AFG2A: variants seen among roughly 807,000 people sequenced by gnomAD.
The protein encoded by AFG2A is AAA ATPase AFG2A.
At chr4:123,075,100 T>C in the AFG2A span, among the ~76,000 whole-genome samples, 78 of 151,870 alleles carry the variant, frequency 5.1e-4, no homozygotes, top group Non-Finnish European at 9.9e-4. Flanking sequence ...CATGCCACCA[T>C]GCCCGGCTAA....
the AFG2A span, among the ~76,000 whole-genome samples, chr4:123,094,340 T>C: frequency 7.2e-5 from 11 of 152,196 alleles, no homozygotes; most frequent in African/African-American, 2.7e-4. Context: ...TTTCCCATCA[T>C]GGCTTGAATT....
chr4:123,045,422 A>G, the AFG2A span, among the ~76,000 whole-genome samples: 1 of 152,226 alleles, frequency 6.6e-6, no homozygotes, highest in African/African-American at 2.4e-5. Flanking sequence ...TTCCTTTATG[A>G]CAAAATAAGT....
the AFG2A span, among the ~76,000 whole-genome samples, chr4:123,003,134 G>A: frequency 2.2e-4 from 33 of 152,154 alleles, no homozygotes; most frequent in Middle Eastern, 3.4e-3. Flanking sequence ...CGTAGTTCTC[G>A]AGCCTTGGCT....
At chr4:123,167,854 T>C in the AFG2A span, among the ~76,000 whole-genome samples, 2 of 152,198 alleles carry the variant, frequency 1.3e-5, no homozygotes, top group South Asian at 2.1e-4. Context: ...TATTGTAAGA[T>C]CTTCAGCTGA....
the AFG2A span, among the ~76,000 whole-genome samples, chr4:123,131,063 GT>G: frequency 0.67 from 102,495 of 151,876 alleles, 37,586 homozygotes; most frequent in East Asian, 0.97. Context: ...TGAACATTTT[GT>G]TTTGGTGAAA....
chr4:123,220,772 A>G, the AFG2A span, among the ~76,000 whole-genome samples: 14 of 152,296 alleles, frequency 9.2e-5, no homozygotes, highest in South Asian at 2.5e-3. Flanking sequence ...TCTTCAGCTT[A>G]TAATGGTTAA....
At chr4:123,276,134 C>T in the AFG2A span, among the ~76,000 whole-genome samples, 1 of 152,174 alleles carries the variant, frequency 6.6e-6, no homozygotes, top group Admixed American at 6.5e-5. Context: ...TTCCCTGACA[C>T]CTCACCAGAA....
At chr4:123,033,609 A>C in the AFG2A span, among the ~76,000 whole-genome samples, 1 of 152,222 alleles carries the variant, frequency 6.6e-6, no homozygotes, top group Non-Finnish European at 1.5e-5. Context: ...ATGAAATAGA[A>C]GTGCCTGGAA....
the AFG2A span, among the ~76,000 whole-genome samples, chr4:123,005,106 G>C: frequency 6.6e-6 from 1 of 151,858 alleles, no homozygotes; most frequent in Non-Finnish European, 1.5e-5. Context: ...TCTTTTCCTT[G>C]GCTAGAGGTC....
chr4:123,301,324 T>C, the AFG2A span, among the ~76,000 whole-genome samples: 3 of 152,174 alleles, frequency 2.0e-5, no homozygotes, highest in Admixed American at 2.0e-4. Context: ...ATTGCTTTAT[T>C]ATTTGAAATT....
At chr4:123,256,355 T>A in the AFG2A span, among the ~76,000 whole-genome samples, 2 of 152,228 alleles carry the variant, frequency 1.3e-5, no homozygotes, top group Non-Finnish European at 2.9e-5. Flanking sequence ...ACGTGGCTTC[T>A]ATTATATCAC....
the AFG2A span, among the ~76,000 whole-genome samples, chr4:123,050,422 C>T: frequency 6.6e-6 from 1 of 152,152 alleles, no homozygotes; most frequent in African/African-American, 2.4e-5. Context: ...TATTTTATTG[C>T]AGTCATTGCA....
the AFG2A span, among the ~76,000 whole-genome samples, chr4:123,292,284 T>C: frequency 6.6e-6 from 1 of 152,172 alleles, no homozygotes; most frequent in Non-Finnish European, 1.5e-5. Flanking sequence ...GTTATTGTGA[T>C]TTCTTTATGT....
the AFG2A span, among the ~76,000 whole-genome samples, chr4:123,041,592 C>T: frequency 9.9e-5 from 15 of 151,984 alleles, no homozygotes; most frequent in East Asian, 2.1e-3. Flanking sequence ...AGTGCAATGG[C>T]GTGATCTCGG....
chr4:123,212,892 C>T, the AFG2A span, among the ~76,000 whole-genome samples: 1 of 152,104 alleles, frequency 6.6e-6, no homozygotes, highest in East Asian at 1.9e-4. Context: ...TAAAATACCT[C>T]ACTAGTTTGT....
the AFG2A span, among the ~76,000 whole-genome samples, chr4:122,971,306 C>A: frequency 1.3e-5 from 2 of 152,034 alleles, no homozygotes; most frequent in Non-Finnish European, 2.9e-5. Context: ...ACTTGTGAGG[C>A]TGAGGTAGGA....
At chr4:123,297,995 C>T in the AFG2A span, among the ~76,000 whole-genome samples, 220 of 152,262 alleles carry the variant, frequency 1.4e-3, no homozygotes, top group Middle Eastern at 0.014. Context: ...ATCGGCCTGA[C>T]TCAGATTACC....
At chr4:123,286,485 A>G in the AFG2A span, among the ~76,000 whole-genome samples, 3 of 152,202 alleles carry the variant, frequency 2.0e-5, no homozygotes, top group East Asian at 5.8e-4. Flanking sequence ...TTTTGATTTT[A>G]TATGTTTGAT....
At chr4:123,303,253 A>G in the AFG2A span, among the ~76,000 whole-genome samples, 2 of 152,212 alleles carry the variant, frequency 1.3e-5, no homozygotes, top group Non-Finnish European at 2.9e-5. Flanking sequence ...TCAATTTTAT[A>G]AATTTTTAAA....
Sources: allele counts gnomAD v4.1 joint callset (sites outside exome capture counted in the v4.1 genomes callset), GRCh38; gene constraint gnomAD v4.1.1; transcripts MANE v1.5; gene names NCBI Gene and HGNC (gene_info 2026-07-23, HGNC 2026-07-21).